ARID2: variants seen among roughly 807,000 people sequenced by gnomAD.
The protein encoded by ARID2 is AT-rich interactive domain-containing protein 2.
In ARID2, 32 loss-of-function variants were observed where a neutral mutation model predicts 184.6. That is an observed-to-expected ratio of 0.17 (90% CI 0.13 to 0.23). The LOEUF (loss-of-function observed/expected upper bound fraction) is 0.23, where lower values mean the gene tolerates loss of function less well. Ranked by LOEUF, ARID2 falls within the 10% of genes least tolerant of loss-of-function variation. The probability of loss-of-function intolerance (pLI) is 1.00; values close to 1 mark genes in which losing one functional copy is unlikely to be tolerated. For missense variants in ARID2, 1,696 were observed against 2,197.6 expected, an observed-to-expected ratio of 0.77 and a Z score of 4.56; for synonymous variants, 836 against 772.6, an observed-to-expected ratio of 1.08 and a Z score of -1.36.
At chr12:45,734,552 G>A (rs1353831030) in intron 3 of ARID2, among the ~76,000 whole-genome samples, 4 of 150,714 alleles carry the variant, frequency 2.7e-5, no homozygotes, top group Admixed American at 6.6e-5. Context: ...CCCACATTTT[G>A]TAGATGGAGA....
intron 3 of ARID2, among the ~76,000 whole-genome samples, chr12:45,770,304 TAAAC>T (rs1941848937): frequency 2.0e-5 from 3 of 151,956 alleles, no homozygotes; most frequent in Non-Finnish European, 4.4e-5. Context: ...CCCAGACAGA[TAAAC>T]AAAACTCAGA....
chr12:45,881,820 T>A (rs1592139161), intron 16 of ARID2: 1 of 218,872 alleles, frequency 4.6e-6, no homozygotes, highest in East Asian at 1.4e-4. Context: ...CCTGTGCCCC[T>A]TTTTTTCCCT....
chr12:45,835,472 G>A (rs1219522036), intron 6 of ARID2, among the ~76,000 whole-genome samples: 2 of 151,334 alleles, frequency 1.3e-5, no homozygotes, highest in Non-Finnish European at 2.9e-5. Flanking sequence ...CCAACTAATG[G>A]TTTTAAATGC....
chr12:45,816,534 G>A (rs116110225), intron 4 of ARID2, among the ~76,000 whole-genome samples: 162 of 152,234 alleles, frequency 1.1e-3, no homozygotes, highest in African/African-American at 3.4e-3. Flanking sequence ...ACAAAGTTAA[G>A]GATACACTTA....
chr12:45,804,605 A>G (rs1942567435), intron 3 of ARID2, among the ~76,000 whole-genome samples: 1 of 151,904 alleles, frequency 6.6e-6, no homozygotes, highest in Non-Finnish European at 1.5e-5. Context: ...CTTTTTCTAT[A>G]GTTGGAAACA....
chr12:45,780,411 T>A (rs1275090094), intron 3 of ARID2, among the ~76,000 whole-genome samples: 1 of 152,148 alleles, frequency 6.6e-6, no homozygotes, highest in Non-Finnish European at 1.5e-5. Flanking sequence ...TTTATTCATA[T>A]GAAAAGTGAT....
At position 45,851,850 on chromosome 12, in the gene ARID2, A is replaced by G. The variant is rs1943557097; in HGVS notation, c.3727A>G (p.Ile1243Val). ...ATPPFKGDKI[I>V]CQKEEEAKEA... is the part of the protein sequence containing the mutation. Reference sequence around the variant, plus strand: ...TCCCCCATTCAAAGGTGATAAAATAATTTGCCAAAAGGAGGAGGAAGCAAA... The same window carrying G: ...TCCCCCATTCAAAGGTGATAAAATAGTTTGCCAAAAGGAGGAGGAAGCAAA... The change falls in exon 15 of 21, where the codon ATT (isoleucine) becomes GTT (valine). Residue 1243 changes from isoleucine (I) to valine (V), a missense_variant. Around this residue, in one of 11 missense-constraint regions of ARID2, gnomAD observed 428 missense variants for 409.1 expected, o/e 1.05. Transcript: ENST00000334344. 1 of 1,614,034 alleles carries G rather than the reference A, an allele frequency of 6.2e-7. No individual in the cohort carries two copies. The highest frequency in any genetic ancestry group is 1.3e-5 in the African/African-American group (1 of 74,918).
chr12:45,899,339 T>G, intron 20 of ARID2, among the ~76,000 whole-genome samples: 4 of 143,270 alleles, frequency 2.8e-5, no homozygotes, highest in African/African-American at 1.0e-4. Flanking sequence ...GCGTGGTGGC[T>G]CACACCTGTA....
intron 6 of ARID2, among the ~76,000 whole-genome samples, chr12:45,832,163 A>C (rs1432178014): frequency 6.6e-6 from 1 of 152,126 alleles, no homozygotes; most frequent in Non-Finnish European, 1.5e-5. Context: ...TTCATGTTTC[A>C]AGGATATTTT....
In ARID2 at chr12:45,811,488, A is replaced by C; in HGVS notation, c.355A>C (p.Lys119Gln). 2 of 1,613,964 alleles carry C rather than the reference A, an allele frequency of 1.2e-6. No homozygotes were observed. The highest frequency in any genetic ancestry group is 1.7e-6 in the Non-Finnish European group (2 of 1,179,878). The change falls in exon 4 of 21, where the codon AAG becomes CAG. Residue 119 changes from lysine to glutamine, a missense_variant. Coordinates refer to ENST00000334344, the MANE Select transcript of ARID2 (RefSeq NM_152641.4). ...DDDEVPPGNPKPQLPIGAIPS... is the reference protein window; with the variant it reads ...DDDEVPPGNPQPQLPIGAIPS... The stretch of plus-strand genomic sequence containing the variant: ...TGATGAGGTACCACCAGGCAATCCA[A>C]AGCCACAGCTTCCTATTGGTGCAAT...
rs1252682709 is a variant in ARID2 at position 45,783,866 on chromosome 12, G to A, written c.285-27552G>A. ...TGTTTTAGCAACACTAAACAAAGAC[G>A]AGAAAATTATCACTACTTTTAAGTT... On this transcript the variant is annotated intron_variant, in intron 3 of 20. Coordinates refer to ENST00000334344, the MANE Select transcript of ARID2 (RefSeq NM_152641.4). 1.0e-4 allele frequency among the ~76,000 whole-genome samples: 14 copies of A among 134,900 alleles called. No homozygotes were observed. In the South Asian group the frequency reaches 2.8e-3, roughly 27 times the overall value. 88.5% of individuals were successfully genotyped at this position (134,900 alleles called of 152,430 possible). A position where few individuals can be genotyped will look rare whatever the true frequency, so the allele number is the denominator to read the frequency against.
chr12:45,787,488 G>T (rs372784201), intron 3 of ARID2, among the ~76,000 whole-genome samples: 3 of 151,740 alleles, frequency 2.0e-5, no homozygotes, highest in Admixed American at 6.6e-5. Flanking sequence ...TCCCACCTTC[G>T]CCTCCCAAAG....
In ARID2 at chr12:45,907,344, TAATTA is replaced by T. The variant is rs367697567; in HGVS notation, c.*2273_*2277del. On this transcript the variant is annotated 3_prime_UTR_variant, in exon 21 of 21. Coordinates refer to ENST00000334344, the MANE Select transcript of ARID2 (RefSeq NM_152641.4). Reference sequence around the variant, plus strand: ...TTCTCAAAATCAGAAACTGCAGTGGTAATTAAATTAATAGAAAAGAGAACAAACTG... The same window carrying T: ...TTCTCAAAATCAGAAACTGCAGTGGTAATTAATAGAAAAGAGAACAAACTG... 3.2e-4 allele frequency: 74 copies of T among 233,290 alleles called. No individual in the cohort carries two copies. Among genetic ancestry groups the T allele is most frequent in the African/African-American group, 1.5e-3 (69 of 45,466 alleles). 14.5% of individuals were successfully genotyped at this position (233,290 alleles called of 1,614,324 possible).
At chr12:45,764,401 C>G (rs1420568092) in intron 3 of ARID2, among the ~76,000 whole-genome samples, 3 of 151,972 alleles carry the variant, frequency 2.0e-5, no homozygotes, top group African/African-American at 7.3e-5. Flanking sequence ...TAAAATTCAC[C>G]CATTTTAGTA....
At chr12:45,765,386 CTATT>C (rs1181758879) in intron 3 of ARID2, among the ~76,000 whole-genome samples, 1 of 151,912 alleles carries the variant, frequency 6.6e-6, no homozygotes, top group Non-Finnish European at 1.5e-5. Context: ...AAAAAGTAAA[CTATT>C]TGTAGAGATG....
Position 45,817,650 on chromosome 12 carries a change from G to C in ARID2, c.419-20G>C, listed in dbSNP as rs1261276803. 2.5e-6 allele frequency: 4 copies of C among 1,583,214 alleles called. No individual in the cohort carries two copies. The African/African-American group carries it at 5.5e-5, about 22-fold the overall frequency. The stretch of plus-strand genomic sequence containing the variant: ...GTATCTGATCTTTGATATACTTAAG[G>C]TATTTTTTTTCTTTGTTAGATTATC... On this transcript the variant is annotated intron_variant, in intron 4 of 20. Transcript: ENST00000334344.
chr12:45,759,095 T>C (rs569296452), intron 3 of ARID2, among the ~76,000 whole-genome samples: 3 of 152,316 alleles, frequency 2.0e-5, no homozygotes, highest in South Asian at 2.1e-4. Context: ...TATTCTGATA[T>C]GCTTTTCCAA....
chr12:45,853,286 G>T (rs116347305), intron 15 of ARID2, among the ~76,000 whole-genome samples: 9 of 152,108 alleles, frequency 5.9e-5, no homozygotes, highest in Non-Finnish European at 1.3e-4. Context: ...TTTGACCTGA[G>T]TGTGTTTTTG....
chr12:45,838,176 G>A (rs989383244), intron 10 of ARID2, among the ~76,000 whole-genome samples: 2 of 152,206 alleles, frequency 1.3e-5, no homozygotes, highest in Admixed American at 6.5e-5. Flanking sequence ...AAAGCTAAGT[G>A]AAATATGTTT....
Sources: allele counts gnomAD v4.1 joint callset (sites outside exome capture counted in the v4.1 genomes callset), GRCh38; gene constraint gnomAD v4.1.1; regional missense constraint gnomAD v4.1.1; transcripts MANE v1.5; gene names NCBI Gene and HGNC (gene_info 2026-07-23, HGNC 2026-07-21).